TAFA2: variants seen among roughly 807,000 people sequenced by gnomAD.
The protein encoded by TAFA2 is TAFA chemokine like family member 2.
A neutral mutation model predicts 18.8 loss-of-function variants in TAFA2; 7 were observed. That is an observed-to-expected ratio of 0.37 (90% confidence interval 0.21 to 0.70). The LOEUF is 0.70. Ranked by LOEUF, TAFA2 falls within the 30% of genes least tolerant of loss-of-function variation. The pLI is 0.53. For missense variants in TAFA2, 122 were observed against 158.1 expected, an observed-to-expected ratio of 0.77 and a Z score of 1.23; for synonymous variants, 60 against 54.2, an observed-to-expected ratio of 1.11 and a Z score of -0.47.
intron 1 of TAFA2, among the ~76,000 whole-genome samples, chr12:62,147,563 A>G (rs2062294406): frequency 6.7e-6 from 1 of 149,964 alleles, no homozygotes; most frequent in Non-Finnish European, 1.5e-5. Flanking sequence ...CCTTGTCTCT[A>G]CTAAAAAATA....
At chr12:62,122,733 T>C (rs985920571) in intron 1 of TAFA2, among the ~76,000 whole-genome samples, 4 of 152,172 alleles carry the variant, frequency 2.6e-5, no homozygotes, top group African/African-American at 9.7e-5. Flanking sequence ...CACTGTTCCA[T>C]ATAACCCCAA....
chr12:62,115,768 T>C (rs1483647910), intron 1 of TAFA2, among the ~76,000 whole-genome samples: 3 of 152,184 alleles, frequency 2.0e-5, no homozygotes, highest in African/African-American at 7.2e-5. Flanking sequence ...TCTGCAGTGG[T>C]ATCCACTCTG....
In TAFA2 at chr12:62,041,475, C is replaced by T. The variant is rs185501408; in HGVS notation, c.-2+149784G>A. On this transcript the variant is annotated intron_variant, in intron 1 of 4. Transcript: ENST00000416284. ...TTACAGAAATAGTTAAAAGATATTT[C>T]TCTTATCTAGGACATTGTGCATAAG... 1.6e-3 allele frequency among the ~76,000 whole-genome samples: 251 copies of T among 152,256 alleles called. 1 individual carries two copies. The highest frequency in any genetic ancestry group is 5.8e-3 in the African/African-American group (242 of 41,554).
At chr12:62,010,763 C>G (rs1257156791) in intron 1 of TAFA2, among the ~76,000 whole-genome samples, 9 of 150,482 alleles carry the variant, frequency 6.0e-5, no homozygotes, top group South Asian at 2.1e-4. Flanking sequence ...CCCGGCCCCC[C>G]CGTCTGGGAG....
chr12:61,873,392 C>T (rs7976865), intron 1 of TAFA2, among the ~76,000 whole-genome samples: 285 of 151,950 alleles, frequency 1.9e-3, no homozygotes, highest in African/African-American at 6.4e-3. Context: ...TGCTGGTGTG[C>T]TGCTCTTTCA....
chr12:62,225,433 T>C (rs986975071), intron 1 of TAFA2, among the ~76,000 whole-genome samples: 2 of 152,120 alleles, frequency 1.3e-5, no homozygotes, highest in African/African-American at 4.8e-5. Flanking sequence ...GAAAAACTGT[T>C]ATAATCTTGA....
At chr12:61,849,201 A>G (rs978020463) in intron 2 of TAFA2, among the ~76,000 whole-genome samples, 6 of 152,196 alleles carry the variant, frequency 3.9e-5, no homozygotes, top group African/African-American at 1.4e-4. Flanking sequence ...CTTTATACCA[A>G]TCCAGTGCAG....
At chr12:62,012,439 T>G (rs1326687440) in intron 1 of TAFA2, among the ~76,000 whole-genome samples, 1 of 152,080 alleles carries the variant, frequency 6.6e-6, no homozygotes, top group African/African-American at 2.4e-5. Context: ...GACTGTTGAT[T>G]TGTTTTAACC....
chr12:61,915,516 A>G (rs556252554), intron 1 of TAFA2, among the ~76,000 whole-genome samples: 1 of 152,210 alleles, frequency 6.6e-6, no homozygotes, highest in Non-Finnish European at 1.5e-5. Flanking sequence ...TATTATGAGT[A>G]TTGGCTTACT....
At chr12:61,921,181 C>A (rs905680677) in intron 1 of TAFA2, among the ~76,000 whole-genome samples, 1 of 152,168 alleles carries the variant, frequency 6.6e-6, no homozygotes, top group African/African-American at 2.4e-5. Flanking sequence ...AGAAGTATGA[C>A]AAGATAAGAC....
At chr12:62,008,413 T>C (rs1183135494) in intron 1 of TAFA2, among the ~76,000 whole-genome samples, 1 of 152,146 alleles carries the variant, frequency 6.6e-6, no homozygotes, top group Non-Finnish European at 1.5e-5. Flanking sequence ...TAGAATAATG[T>C]TTTTCAAGAA....
At chr12:62,175,072 T>A (rs1455853742) in intron 1 of TAFA2, among the ~76,000 whole-genome samples, 2 of 152,202 alleles carry the variant, frequency 1.3e-5, no homozygotes, top group African/African-American at 2.4e-5. Flanking sequence ...GACTCCAGAA[T>A]TAATTATTGA....
intron 1 of TAFA2, among the ~76,000 whole-genome samples, chr12:62,137,672 C>T (rs567749084): frequency 6.6e-6 from 1 of 152,204 alleles, no homozygotes; most frequent in African/African-American, 2.4e-5. Context: ...CTCCAACCAC[C>T]CTGATACAAA....
At chr12:61,954,899 T>C (rs141250595) in intron 1 of TAFA2, among the ~76,000 whole-genome samples, 1 of 152,166 alleles carries the variant, frequency 6.6e-6, no homozygotes, top group Non-Finnish European at 1.5e-5. Flanking sequence ...GTTCATTGAC[T>C]TACACAAAAT....
chr12:62,188,292 T>G (rs2062599276), intron 1 of TAFA2, among the ~76,000 whole-genome samples: 1 of 152,188 alleles, frequency 6.6e-6, no homozygotes, highest in Non-Finnish European at 1.5e-5. Flanking sequence ...TACTTGAATC[T>G]TCAATGAACA....
intron 1 of TAFA2, among the ~76,000 whole-genome samples, chr12:62,144,723 G>A (rs1451664473): frequency 6.6e-6 from 1 of 152,178 alleles, no homozygotes; most frequent in African/African-American, 2.4e-5. Context: ...AGGCCCTTAA[G>A]TAGAACCCAA....
At chr12:62,064,735 A>T (rs1368787821) in intron 1 of TAFA2, among the ~76,000 whole-genome samples, 1 of 152,084 alleles carries the variant, frequency 6.6e-6, no homozygotes, top group Non-Finnish European at 1.5e-5. Context: ...CATAAGTGCT[A>T]TTAAGGTACA....
intron 1 of TAFA2, among the ~76,000 whole-genome samples, chr12:61,950,286 C>A (rs1183257304): frequency 6.6e-6 from 1 of 152,058 alleles, no homozygotes; most frequent in African/African-American, 2.4e-5. Flanking sequence ...TACCCAAAAA[C>A]AAAATTGCTG....
chr12:62,167,076 AT>A (rs772326524), intron 1 of TAFA2, among the ~76,000 whole-genome samples: 3 of 152,186 alleles, frequency 2.0e-5, no homozygotes, highest in Non-Finnish European at 4.4e-5. Context: ...TGAAAAAAAA[AT>A]CAATGGAGAA....
Sources: allele counts gnomAD v4.1 joint callset (sites outside exome capture counted in the v4.1 genomes callset), GRCh38; gene constraint gnomAD v4.1.1; transcripts MANE v1.5; gene names NCBI Gene and HGNC (gene_info 2026-07-23, HGNC 2026-07-21).